The following MASTL variants were observed in gnomAD, a reference collection of about 807,000 sequenced individuals.
MASTL encodes serine/threonine-protein kinase greatwall.
MASTL carries 54 observed loss-of-function variants against 82.5 expected under a neutral mutation model. The ratio of observed to expected loss-of-function variants is 0.65; its 90% confidence interval spans 0.53 to 0.82. MASTL has a LOEUF of 0.82. Among genes scored for constraint, MASTL ranks in the 40% least tolerant of loss-of-function variants. MASTL has a pLI of 0.00. For synonymous variants in MASTL, 323 were observed against 368.9 expected (o/e 0.88, Z 1.43); for missense variants, 950 against 1,047.8 (o/e 0.91, Z 1.29).
At chr10:27,168,193 G>A (rs566308268) in intron 7 of MASTL, among the ~76,000 whole-genome samples, 5 of 152,234 alleles carry the variant, frequency 3.3e-5, no homozygotes, top group East Asian at 1.9e-4. Flanking sequence ...TCAAATTAAC[G>A]TTTAACTAAG....
intron 5 of MASTL, 46 bp downstream of exon 5, chr10:27,165,216 C>T (rs2057703494): frequency 8.4e-6 from 12 of 1,422,754 alleles, no homozygotes; most frequent in Non-Finnish European, 1.2e-5. Flanking sequence ...CCTTCATGAT[C>T]ACCACTTAAA....
At chr10:27,180,646 C>A (rs1265151491) in intron 9 of MASTL, among the ~76,000 whole-genome samples, 1 of 152,158 alleles carries the variant, frequency 6.6e-6, no homozygotes, top group Non-Finnish European at 1.5e-5. Context: ...CCCTCCCCAG[C>A]CACCCAAAGT....
chr10:27,184,562 T>C (rs1485778421), intron 11 of MASTL, among the ~76,000 whole-genome samples: 1 of 134,774 alleles, frequency 7.4e-6, no homozygotes, highest in African/African-American at 2.8e-5. Context: ...GGATTTTTTT[T>C]TTTTTTTTTT....
intron 3 of MASTL, 151 bp from the exon 4 acceptor site, chr10:27,160,943 T>C (rs187695584): frequency 9.0e-5 from 57 of 631,480 alleles, no homozygotes; most frequent in Middle Eastern, 4.3e-4. Flanking sequence ...TTGAGAGATG[T>C]TTTCTGTACT....
chr10:27,168,896 C>T (rs2057825987), intron 7 of MASTL, among the ~76,000 whole-genome samples: 1 of 152,128 alleles, frequency 6.6e-6, no homozygotes, highest in African/African-American at 2.4e-5. Flanking sequence ...TATTCATTTA[C>T]ACATCAAAAA....
chr10:27,169,861 T>G lies in MASTL; in HGVS notation c.985-83T>G, dbSNP rs553453570. On this transcript the variant is annotated intron_variant, in intron 7 of 11. Transcript: ENST00000375940. ...TAGCATAATAGTTTATGGGGTCATT[T>G]ATCCTACCTTAACGGACCATAGTTA... The G allele has an allele frequency of 8.4e-5, 118 of 1,398,844 alleles. No individual in the cohort carries two copies. In the African/African-American group the frequency reaches 1.5e-3, roughly 18 times the overall value. 86.7% of individuals were successfully genotyped at this position (1,398,844 alleles called of 1,614,324 possible). A position where few individuals can be genotyped will look rare whatever the true frequency, so the allele number is the denominator to read the frequency against.
intron 3 of MASTL, among the ~76,000 whole-genome samples, chr10:27,160,782 TA>T (rs1162004218): frequency 6.6e-6 from 1 of 151,742 alleles, no homozygotes; most frequent in African/African-American, 2.4e-5. Context: ...AAAAAGAAAG[TA>T]AATGTAAATT....
intron 11 of MASTL, among the ~76,000 whole-genome samples, chr10:27,184,251 C>T (rs2058500756): frequency 6.6e-6 from 1 of 152,116 alleles, no homozygotes; most frequent in African/African-American, 2.4e-5. Flanking sequence ...AGTGATGGCA[C>T]GAGACTTCTT....
intron 11 of MASTL, among the ~76,000 whole-genome samples, chr10:27,186,070 C>T (rs1004462254): frequency 1.3e-5 from 2 of 150,932 alleles, no homozygotes; most frequent in African/African-American, 5.0e-5. Flanking sequence ...GCCTGGGCAA[C>T]GGAGCGAGAC....
chr10:27,157,587 G>C (rs537192830), intron 1 of MASTL, among the ~76,000 whole-genome samples: 21 of 152,120 alleles, frequency 1.4e-4, no homozygotes, highest in Non-Finnish European at 2.5e-4. Flanking sequence ...CCTGAGAATT[G>C]ATCCCAGTGT....
chr10:27,169,884 T>C, intron 7 of MASTL, 60 bp from the exon 8 acceptor site: 1 of 1,554,148 alleles, frequency 6.4e-7, no homozygotes, highest in Non-Finnish European at 8.9e-7. Context: ...CGGACCATAG[T>C]TAAAAGGTCA....
intron 8 of MASTL, among the ~76,000 whole-genome samples, chr10:27,171,527 G>A (rs2136081552): frequency 6.6e-6 from 1 of 151,434 alleles, no homozygotes; most frequent in East Asian, 1.9e-4. Flanking sequence ...TCACCCCCAG[G>A]TTCAAGCGAT....
intron 9 of MASTL, among the ~76,000 whole-genome samples, chr10:27,178,166 C>G (rs1221206339): frequency 6.6e-6 from 1 of 152,092 alleles, no homozygotes; most frequent in Non-Finnish European, 1.5e-5. Context: ...CCGAGTCAGG[C>G]AGGTCACCTG....
chr10:27,154,843 A>G, upstream of MASTL: 1 of 157,186 alleles, frequency 6.4e-6, no homozygotes, highest in Non-Finnish European at 1.4e-5. Context: ...CACTAAATCG[A>G]AAACTCTCCC....
intron 11 of MASTL, among the ~76,000 whole-genome samples, chr10:27,186,163 C>T (rs998833357): frequency 2.0e-5 from 3 of 152,130 alleles, no homozygotes; most frequent in African/African-American, 7.2e-5. Context: ...CAAATACAAA[C>T]CAGGCACCTG....
At position 27,161,147 on chromosome 10, in the gene MASTL, C is replaced by T. The variant is rs374260260; in HGVS notation, c.518C>T (p.Thr173Met). The T allele has an allele frequency of 9.9e-6, 16 of 1,612,038 alleles. No homozygotes were observed. The highest frequency in any genetic ancestry group is 9.3e-5 in the African/African-American group (7 of 74,992). Residue 173 changes from threonine to methionine, a missense_variant, in exon 4 of 12, where the codon ACG becomes ATG. Coordinates refer to ENST00000375940, the MANE Select transcript of MASTL (RefSeq NM_001172303.3). ...LISNEGHIKL[T>M]DFGLSKVTLN... ...TCTAATGAGGGTCATATTAAACTGA[C>T]GGATTTTGGCCTTTCAAAAGTTACT... is the stretch of plus-strand genomic sequence containing the variant.
intron 7 of MASTL, among the ~76,000 whole-genome samples, chr10:27,168,951 T>C (rs1192101022): frequency 2.0e-5 from 3 of 152,124 alleles, no homozygotes; most frequent in Non-Finnish European, 4.4e-5. Flanking sequence ...ACTTGACTAA[T>C]CTTGTAAAAA....
In MASTL at chr10:27,160,765, A is replaced by G. The variant is rs1054849360; in HGVS notation, c.465-329A>G. 6.2e-5 allele frequency among the ~76,000 whole-genome samples: 9 copies of G among 144,670 alleles called. No homozygotes were observed. In the East Asian group the frequency reaches 1.5e-3, roughly 25 times the overall value. The allele number at this position is 144,670 out of a possible 152,430, so 94.9% of individuals were successfully genotyped here. ...AAACTCCATCTCAAAAAAAAAAAGA[A>G]AAGAAAAAAAAGAAAGTAAATGTAA... On this transcript the variant is annotated intron_variant, in intron 3 of 11. Transcript: ENST00000375940.
chr10:27,170,633 T>C lies in MASTL; in HGVS notation c.1674T>C (p.Asp558=), dbSNP rs2057900237. The C allele has an allele frequency of 6.2e-7, 1 of 1,607,554 alleles. No homozygotes were observed. Among genetic ancestry groups the C allele is most frequent in the Non-Finnish European group, 8.5e-7 (1 of 1,177,948 alleles). ...GTTCTAGTTTTCTATGTTCTGATGATGATAGAGCTTCTAAAAATATTTCTA... is the reference window on the plus strand; with the variant it reads ...GTTCTAGTTTTCTATGTTCTGATGACGATAGAGCTTCTAAAAATATTTCTA... ...YLSSSFLCSD[D]DRASKNISMN... is the part of the protein sequence containing the mutation. Residue 558 remains aspartate (D), a synonymous_variant, in exon 8 of 12, where the codon GAT becomes GAC. Transcript: ENST00000375940.
Sources: gnomAD v4.1 joint callset for allele counts (sites outside exome capture counted in the v4.1 genomes callset) on GRCh38, gnomAD v4.1.1 for gene constraint, MANE v1.5 for transcripts, NCBI Gene and HGNC (gene_info 2026-07-23, HGNC 2026-07-21) for gene names.